The following TOMM70 variants were observed in gnomAD, a reference collection of about 807,000 sequenced individuals.
The protein encoded by TOMM70 is mitochondrial import receptor subunit TOM70.
Under a neutral mutation model 73.6 loss-of-function variants are expected in TOMM70, and 13 were observed. The ratio of observed to expected loss-of-function variants is 0.18; its 90% CI spans 0.11 to 0.28. The LOEUF (loss-of-function observed/expected upper bound fraction) is 0.28. Among genes scored for constraint, TOMM70 ranks in the 10% least tolerant of loss-of-function variants. The pLI is 1.00. For missense variants in TOMM70, 609 were observed against 747.5 expected, an observed-to-expected ratio of 0.81 and a Z score of 2.16; for synonymous variants, 257 against 271.2, an observed-to-expected ratio of 0.95 and a Z score of 0.51.
intron 6 of TOMM70, among the ~76,000 whole-genome samples, chr3:100,377,031 T>TC (rs34240273): frequency 6.6e-6 from 1 of 151,800 alleles, no homozygotes; most frequent in Non-Finnish European, 1.5e-5. Flanking sequence ...AACTTTTATA[T>TC]CCCCCCCAAA....
chr3:100,382,303 G>C (rs1191097682), intron 4 of TOMM70, among the ~76,000 whole-genome samples: 2 of 152,052 alleles, frequency 1.3e-5, no homozygotes, highest in Non-Finnish European at 2.9e-5. Context: ...GGAAACATGC[G>C]ATTTTTCATT....
intron 4 of TOMM70, among the ~76,000 whole-genome samples, chr3:100,382,976 G>A (rs1414284042): frequency 2.0e-5 from 3 of 151,940 alleles, no homozygotes; most frequent in Non-Finnish European, 4.4e-5. Context: ...TAATATGGAA[G>A]GTATTTTGTG....
At chr3:100,374,036 G>A (rs547592731) in intron 7 of TOMM70, among the ~76,000 whole-genome samples, 1 of 152,244 alleles carries the variant, frequency 6.6e-6, no homozygotes, top group African/African-American at 2.4e-5. Context: ...AATTTTAAGA[G>A]GTTATCTCAA....
At chr3:100,392,030 C>A (rs1263240029) in intron 1 of TOMM70, among the ~76,000 whole-genome samples, 1 of 152,118 alleles carries the variant, frequency 6.6e-6, no homozygotes, top group Non-Finnish European at 1.5e-5. Context: ...CAAATATTTA[C>A]CACTGTGTTA....
chr3:100,372,541 G>T, intron 9 of TOMM70, 65 bp downstream of exon 9: 1 of 1,299,060 alleles, frequency 7.7e-7, no homozygotes, highest in Non-Finnish European at 1.1e-6. Flanking sequence ...ACTGTTTTCT[G>T]ATTTCCATAC....
Position 100,384,596 on chromosome 3 carries a change from T to G in TOMM70, c.626-8A>C, listed in dbSNP as rs1386511247. The G allele has an allele frequency of 6.5e-7, 1 of 1,533,358 alleles. No individual in the cohort carries two copies. Among genetic ancestry groups the G allele is most frequent in the Non-Finnish European group, 8.8e-7 (1 of 1,138,202 alleles). The allele number at this position is 1,533,358 out of a possible 1,614,324, so 95.0% of individuals were successfully genotyped here. On this transcript the variant is annotated splice_polypyrimidine_tract_variant and splice_region_variant and intron_variant, in intron 3 of 11. Transcript: ENST00000284320. Reference sequence around the variant, plus strand: ...TACACACAGCAGTGACATCTAGAAATGATGAAAAACACAAGGGTAAATATA... The same window carrying G: ...TACACACAGCAGTGACATCTAGAAAGGATGAAAAACACAAGGGTAAATATA...
Position 100,384,577 on chromosome 3 carries a change from C to T in TOMM70, c.637G>A (p.Val213Met), listed in dbSNP as rs772044515. The change falls in exon 4 of 12, where the codon GTG becomes ATG. Residue 213 changes from valine to methionine, a missense_variant. Val to Met is a conservative substitution (Grantham distance 21, BLOSUM62 1). Transcript: ENST00000284320. ...TTTTGGAACCCTTCTAATATACACA[C>T]AGCAGTGACATCTAGAAATGATGAA... ...KKECLEDVTA[V>M]CILEGFQNQQ... 1.3e-6 allele frequency: 2 copies of T among 1,587,532 alleles called. No homozygotes were observed.
In TOMM70 at chr3:100,387,018, T is replaced by C. The variant is rs1411734688; in HGVS notation, c.325-40A>G. Reference sequence around the variant, plus strand: ...AACAATTATCAAACACTAATCAACATTCACAGACTCAGACCACAGTAATTA... The same window carrying C: ...AACAATTATCAAACACTAATCAACACTCACAGACTCAGACCACAGTAATTA... On this transcript the variant is annotated intron_variant, in intron 1 of 11. Transcript: ENST00000284320. The C allele has an allele frequency of 2.5e-6, 4 of 1,594,524 alleles. No homozygotes were observed. In the African/African-American group the frequency reaches 5.4e-5, roughly 22 times the overall value.
In TOMM70 at chr3:100,401,045, T is replaced by C. The variant is rs1706896692; in HGVS notation, c.-96A>G. 7.7e-6 allele frequency: 10 copies of C among 1,305,748 alleles called. No individual in the cohort carries two copies. Among genetic ancestry groups the C allele is most frequent in the African/African-American group, 1.5e-5 (1 of 65,748 alleles). 80.9% of individuals were successfully genotyped at this position (1,305,748 alleles called of 1,614,324 possible). On this transcript the variant is annotated 5_prime_UTR_variant, in exon 1 of 12. Coordinates refer to ENST00000284320, the MANE Select transcript of TOMM70 (RefSeq NM_014820.5). ...AGACCGAGGGAGGGAAGGAAAGCAATGAGCGAGCGAGCACGCTAGGCAGAG... is the reference window on the plus strand; with the variant it reads ...AGACCGAGGGAGGGAAGGAAAGCAACGAGCGAGCGAGCACGCTAGGCAGAG...
At chr3:100,377,065 G>C (rs1023477584) in intron 6 of TOMM70, among the ~76,000 whole-genome samples, 1 of 152,112 alleles carries the variant, frequency 6.6e-6, no homozygotes, top group African/African-American at 2.4e-5. Flanking sequence ...AGAGGCTACA[G>C]AGTTCATTTA....
chr3:100,388,103 T>C (rs187168864), intron 1 of TOMM70, among the ~76,000 whole-genome samples: 5 of 152,312 alleles, frequency 3.3e-5, no homozygotes, highest in Admixed American at 1.3e-4. Context: ...AATCTTCCAT[T>C]TGTCAGTAGA....
At chr3:100,382,938 T>C (rs1234584243) in intron 4 of TOMM70, among the ~76,000 whole-genome samples, 2 of 152,186 alleles carry the variant, frequency 1.3e-5, no homozygotes, top group Non-Finnish European at 1.5e-5. Context: ...ATTTATCTTA[T>C]ACAGTTGTTA....
chr3:100,390,635 T>A (rs1381143158), intron 1 of TOMM70, among the ~76,000 whole-genome samples: 2 of 152,180 alleles, frequency 1.3e-5, no homozygotes, highest in African/African-American at 4.8e-5. Flanking sequence ...GAAACCAGCC[T>A]GACCAACACG....
At chr3:100,377,982 C>A in intron 5 of TOMM70, 70 bp from the exon 6 acceptor site, 1 of 1,393,002 alleles carries the variant, frequency 7.2e-7, no homozygotes, top group Non-Finnish European at 9.9e-7. Context: ...TGTGGTGGCT[C>A]ACGCCTGTAA....
In TOMM70 at chr3:100,372,694, G is replaced by A; in HGVS notation, c.1364C>T (p.Ser455Phe). The change falls in exon 9 of 12, where the codon TCT becomes TTT. Residue 455 changes from serine to phenylalanine, a missense_variant. Ser to Phe is a radical substitution (Grantham distance 155). Transcript: ENST00000284320. Reference protein sequence around the residue: ...LYRQAYTGNNSSQIQAAMKGF... With the variant: ...LYRQAYTGNNFSQIQAAMKGF... ...TTTCATAGCTGCTTGGATTTGTGAA[G>A]AGTTGTTTCCCGTATATGCCTGGCG... The A allele has an allele frequency of 6.2e-7, 1 of 1,613,980 alleles. No homozygotes were observed. Among genetic ancestry groups the A allele is most frequent in the Non-Finnish European group, 8.5e-7 (1 of 1,179,944 alleles).
intron 9 of TOMM70, chr3:100,372,377 C>T (rs1017360481): frequency 8.0e-6 from 3 of 376,626 alleles, no homozygotes; most frequent in Non-Finnish European, 9.4e-6. Flanking sequence ...GGGAAATTCT[C>T]GCCTTAAGCT....
chr3:100,400,857 C>T lies in TOMM70; in HGVS notation c.93G>A (p.Pro31=). The T allele has an allele frequency of 1.3e-6, 2 of 1,525,212 alleles. No homozygotes were observed. Among genetic ancestry groups the T allele is most frequent in the Admixed American group, 2.0e-5 (1 of 49,848 alleles). The allele number at this position is 1,525,212 out of a possible 1,614,324, so 94.5% of individuals were successfully genotyped here. A position where few individuals can be genotyped will look rare whatever the true frequency, so the allele number is the denominator to read the frequency against. ...SGVGGGGTAG[P]GTGGLPRWQL... ...GCCATCGCGGCAGCCCCCCCGTGCC[C>T]GGGCCCGCAGTCCCGCCGCCGCCCA... The change falls in exon 1 of 12, where the codon CCG becomes CCA. Residue 31 remains proline (P), a synonymous_variant. Coordinates refer to ENST00000284320, the MANE Select transcript of TOMM70 (RefSeq NM_014820.5).
intron 9 of TOMM70, among the ~76,000 whole-genome samples, chr3:100,371,390 G>A (rs951742974): frequency 2.0e-5 from 3 of 148,462 alleles, no homozygotes; most frequent in East Asian, 4.0e-4. Flanking sequence ...TCAGCCTCCC[G>A]AGTTGCTGGG....
At chr3:100,387,084 T>A (rs1284851146) in intron 1 of TOMM70, 106 bp from the exon 2 acceptor site, 6 of 1,192,850 alleles carry the variant, frequency 5.0e-6, no homozygotes, top group Non-Finnish European at 2.4e-6. Flanking sequence ...AATGGCTGTT[T>A]ACAATGTAAG....
Sources: gnomAD v4.1 joint callset for allele counts (sites outside exome capture counted in the v4.1 genomes callset) on GRCh38, gnomAD v4.1.1 for gene constraint, MANE v1.5 for transcripts, NCBI Gene and HGNC (gene_info 2026-07-23, HGNC 2026-07-21) for gene names.